Variants in EYS observed in about 807,000 individuals in gnomAD.
EYS encodes the protein EGF-like photoreceptor maintenance factor, also known as protein eyes shut homolog.
A neutral mutation model predicts 282.1 loss-of-function variants in EYS; 250 were observed. The ratio of observed to expected loss-of-function variants is 0.89; its 90% CI spans 0.80 to 0.98. EYS has a LOEUF of 0.98. Ranked by LOEUF, EYS falls within the 50% of genes least tolerant of loss-of-function variation. The pLI is 0.00. For missense variants in EYS, 4,016 were observed against 3,709.0 expected (o/e 1.08, Z -2.15); for synonymous variants, 1,355 against 1,282.9 (o/e 1.06, Z -1.20).
intron 26 of EYS, among the ~76,000 whole-genome samples, chr6:64,560,679 A>T (rs922157161): frequency 2.0e-5 from 3 of 152,128 alleles, no homozygotes; most frequent in Non-Finnish European, 4.4e-5. Context: ...CATTGTATTT[A>T]CCGATAATAA....
At position 63,937,376 on chromosome 6, in the gene EYS, T is replaced by C. The variant is rs1429343476; in HGVS notation, c.7055+47007A>G. On this transcript the variant is annotated intron_variant, in intron 35 of 42. Coordinates refer to ENST00000503581, the MANE Select transcript of EYS (RefSeq NM_001142800.2). ...TTTTTTTTTTTTTTTTTTTTTTTTT[T>C]TTTTTTTTTTTTTTTTTTTTTTGAG... is the stretch of plus-strand genomic sequence containing the variant. 7.2e-4 allele frequency among the ~76,000 whole-genome samples: 51 copies of C among 71,180 alleles called. 1 individual carries two copies. The highest frequency in any genetic ancestry group is 1.3e-3 in the Non-Finnish European group (47 of 37,002). The allele number at this position is 71,180 out of a possible 152,430, so 46.7% of individuals were successfully genotyped here. A position where few individuals can be genotyped will look rare whatever the true frequency, so the allele number is the denominator to read the frequency against.
chr6:65,470,773 G>GT (rs1451634613), intron 5 of EYS, among the ~76,000 whole-genome samples: 1 of 152,124 alleles, frequency 6.6e-6, no homozygotes, highest in African/African-American at 2.4e-5. Context: ...TAATGTATAA[G>GT]TTGTTAAGTG....
At chr6:65,126,480 C>A (rs570904291) in intron 12 of EYS, among the ~76,000 whole-genome samples, 2 of 152,192 alleles carry the variant, frequency 1.3e-5, no homozygotes, top group East Asian at 3.9e-4. Flanking sequence ...ACGTCTAATT[C>A]TTTGTTGCAT....
chr6:64,128,632 C>T (rs1481629418), intron 31 of EYS, among the ~76,000 whole-genome samples: 2 of 152,114 alleles, frequency 1.3e-5, no homozygotes, highest in African/African-American at 2.4e-5. Context: ...TATAACAGAA[C>T]TTATTTCAAA....
At chr6:64,818,538 A>G (rs1262322551) in intron 21 of EYS, among the ~76,000 whole-genome samples, 2 of 152,272 alleles carry the variant, frequency 1.3e-5, no homozygotes, top group East Asian at 1.9e-4. Context: ...CAAAACCTCA[A>G]AAGTAGGGAA....
chr6:64,394,087 C>A (rs1266796539), intron 28 of EYS, among the ~76,000 whole-genome samples: 1 of 152,002 alleles, frequency 6.6e-6, no homozygotes, highest in Admixed American at 6.6e-5. Flanking sequence ...ATGTGAAGGA[C>A]CTCTTCAAGG....
chr6:65,131,188 A>G (rs1256954900), intron 12 of EYS, among the ~76,000 whole-genome samples: 1 of 151,752 alleles, frequency 6.6e-6, no homozygotes, highest in African/African-American at 2.4e-5. Context: ...TTTATTGGAG[A>G]ACAAAGTAGT....
chr6:63,997,320 G>C (rs1042671709), intron 34 of EYS, among the ~76,000 whole-genome samples: 22 of 152,166 alleles, frequency 1.4e-4, no homozygotes, highest in African/African-American at 5.3e-4. Flanking sequence ...GGCCCTGAAG[G>C]CTGTAATATA....
intron 12 of EYS, among the ~76,000 whole-genome samples, chr6:65,238,594 G>A (rs1458130010): frequency 4.6e-5 from 7 of 151,828 alleles, no homozygotes; most frequent in Admixed American, 1.3e-4. Flanking sequence ...TAAAGTGTAC[G>A]AAAGCACTTT....
rs1447163993 is a variant in EYS at position 64,151,317 on chromosome 6, T to TTATTTA, written c.6425-69316_6425-69315insTAAATA. On this transcript the variant is annotated intron_variant, in intron 31 of 42. Coordinates refer to ENST00000503581, the MANE Select transcript of EYS (RefSeq NM_001142800.2). ...TTTTCACACGTGTGTGTGTGTATAT[T>TTATTTA]TATATATATATATATATATATATAT... Among the ~76,000 whole-genome samples, 10 of 52,452 alleles carry TTATTTA rather than the reference T, an allele frequency of 1.9e-4. No homozygotes were observed. The East Asian group carries it at 6.6e-3, about 34-fold the overall frequency. 34.4% of individuals were successfully genotyped at this position (52,452 alleles called of 152,430 possible).
At chr6:64,533,468 T>C (rs1764418187) in intron 26 of EYS, among the ~76,000 whole-genome samples, 1 of 152,090 alleles carries the variant, frequency 6.6e-6, no homozygotes, top group Admixed American at 6.5e-5. Flanking sequence ...AGGGTTGATA[T>C]ATCACATCAT....
intron 9 of EYS, among the ~76,000 whole-genome samples, chr6:65,349,698 G>A (rs953854483): frequency 1.3e-5 from 2 of 151,296 alleles, no homozygotes; most frequent in African/African-American, 2.4e-5. Flanking sequence ...AAAACTCACT[G>A]GCAAAAGTAA....
chr6:64,870,248 T>A (rs919698298), intron 19 of EYS, among the ~76,000 whole-genome samples: 1 of 151,652 alleles, frequency 6.6e-6, no homozygotes, highest in African/African-American at 2.4e-5. Context: ...ATAAAAGTGC[T>A]ATTCATAACA....
intron 18 of EYS, among the ~76,000 whole-genome samples, chr6:64,896,889 A>T (rs543304633): frequency 5.8e-4 from 88 of 152,254 alleles, no homozygotes; most frequent in African/African-American, 2.1e-3. Context: ...GCTGCCGTAG[A>T]CAGACCGCCT....
intron 14 of EYS, among the ~76,000 whole-genome samples, chr6:64,978,737 G>T (rs1770556046): frequency 1.3e-5 from 2 of 151,888 alleles, no homozygotes; most frequent in African/African-American, 4.8e-5. Flanking sequence ...ATTAATAAGA[G>T]TTTGGAAGAA....
chr6:65,366,222 C>A (rs1015816299), intron 8 of EYS, among the ~76,000 whole-genome samples: 2 of 151,802 alleles, frequency 1.3e-5, no homozygotes. Flanking sequence ...ATGTTACAAG[C>A]CAAGATCTCA....
In EYS at chr6:65,456,765, C is replaced by T. The variant is rs78302689; in HGVS notation, c.862+33829G>A. On this transcript the variant is annotated intron_variant, in intron 5 of 42. Coordinates refer to ENST00000503581, the MANE Select transcript of EYS (RefSeq NM_001142800.2). Reference sequence around the variant, plus strand: ...CAAATTAGAAGTATGTAACTTTATGCCTAATTTCACCATTTCTATTCAGCA... The same window carrying T: ...CAAATTAGAAGTATGTAACTTTATGTCTAATTTCACCATTTCTATTCAGCA... 1.5e-3 allele frequency among the ~76,000 whole-genome samples: 233 copies of T among 151,660 alleles called. 3 individuals carry two copies. The East Asian group carries it at 0.038, about 25-fold the overall frequency.
At chr6:65,069,534 A>G (rs1773846233) in intron 12 of EYS, among the ~76,000 whole-genome samples, 1 of 151,760 alleles carries the variant, frequency 6.6e-6, no homozygotes, top group Non-Finnish European at 1.5e-5. Flanking sequence ...GATGTCTCTT[A>G]AGTGCACTCC....
At chr6:65,240,064 G>C (rs1767019874) in intron 12 of EYS, among the ~76,000 whole-genome samples, 1 of 151,644 alleles carries the variant, frequency 6.6e-6, no homozygotes, top group Admixed American at 6.6e-5. Flanking sequence ...TGCCTCCTGG[G>C]TTCACACCAT....
Sources: allele counts gnomAD v4.1 joint callset (sites outside exome capture counted in the v4.1 genomes callset), GRCh38; gene constraint gnomAD v4.1.1; transcripts MANE v1.5; gene names NCBI Gene and HGNC (gene_info 2026-07-23, HGNC 2026-07-21).